PITPNC1: variants seen among roughly 807,000 people sequenced by gnomAD.
The protein encoded by PITPNC1 is phosphatidylinositol transfer protein cytoplasmic 1, also known as cytoplasmic phosphatidylinositol transfer protein 1.
PITPNC1 carries 18 observed loss-of-function variants against 44.7 expected under a neutral mutation model. The observed-to-expected ratio is 0.40, with a 90% CI of 0.28 to 0.60. The LOEUF (loss-of-function observed/expected upper bound fraction) is 0.60. PITPNC1 is among the 20% of genes least tolerant of loss of function. PITPNC1 has a pLI of 0.39. For missense variants in PITPNC1, 290 were observed against 418.4 expected, an observed-to-expected ratio of 0.69 and a Z score of 2.68; for synonymous variants, 141 against 149.6, an observed-to-expected ratio of 0.94 and a Z score of 0.42.
At chr17:67,541,073 G>C (rs2040599590) in intron 2 of PITPNC1, among the ~76,000 whole-genome samples, 1 of 152,170 alleles carries the variant, frequency 6.6e-6, no homozygotes, top group Non-Finnish European at 1.5e-5. Context: ...AAATTCGCCA[G>C]GAGCGGTGTC....
intron 5 of PITPNC1, among the ~76,000 whole-genome samples, chr17:67,626,141 A>G (rs566268845): frequency 6.6e-6 from 1 of 151,844 alleles, no homozygotes; most frequent in African/African-American, 2.4e-5. Flanking sequence ...GCACATCACC[A>G]CGCCCAACTA....
chr17:67,473,881 A>T (rs184374844), intron 1 of PITPNC1, among the ~76,000 whole-genome samples: 1 of 152,086 alleles, frequency 6.6e-6, no homozygotes, highest in African/African-American at 2.4e-5. Context: ...GTGATTTTCT[A>T]TTCTCCCATG....
Position 67,676,354 on chromosome 17 carries a change from G to A in PITPNC1, c.682+812G>A, listed in dbSNP as rs1190817562. ...GCTTTTTTTTCATGATCTGGGAAGA[G>A]TTAAACAATTTCTACACATTTGCAG... On this transcript the variant is annotated intron_variant, in intron 8 of 8. Coordinates refer to ENST00000581322, the MANE Select transcript of PITPNC1 (RefSeq NM_012417.4). The surrounding 1 kb of genome is among the most constrained non-coding windows in gnomAD (Gnocchi z 4.0). Among the ~76,000 whole-genome samples the A allele has an allele frequency of 6.6e-6, 1 of 152,094 alleles. No homozygotes were observed. The highest frequency in any genetic ancestry group is 1.5e-5 in the Non-Finnish European group (1 of 68,032).
chr17:67,471,788 C>T (rs2039539315), intron 1 of PITPNC1, among the ~76,000 whole-genome samples: 1 of 151,962 alleles, frequency 6.6e-6, no homozygotes, highest in Admixed American at 6.6e-5. Context: ...AACATGGGCA[C>T]AGTTGTATTA....
At chr17:67,440,129 CA>C (rs1417852361) in intron 1 of PITPNC1, among the ~76,000 whole-genome samples, 2 of 152,022 alleles carry the variant, frequency 1.3e-5, no homozygotes, top group Non-Finnish European at 2.9e-5. Context: ...CCCTTGGGCT[CA>C]AAATTTAAGA....
intron 8 of PITPNC1, among the ~76,000 whole-genome samples, chr17:67,686,124 C>G (rs761980688): frequency 5.3e-5 from 8 of 151,778 alleles, no homozygotes; most frequent in Non-Finnish European, 1.2e-4. Context: ...AGCCACCATG[C>G]CTGGCCTGAA....
intron 5 of PITPNC1, among the ~76,000 whole-genome samples, chr17:67,582,372 A>G (rs1030520105): frequency 6.6e-6 from 1 of 152,192 alleles, no homozygotes; most frequent in African/African-American, 2.4e-5. Flanking sequence ...GTACACTCTT[A>G]TCATTCAGCT....
intron 5 of PITPNC1, among the ~76,000 whole-genome samples, chr17:67,583,667 T>C (rs999715812): frequency 6.6e-6 from 1 of 151,124 alleles, no homozygotes; most frequent in East Asian, 2.0e-4. Context: ...TCTGATTTCA[T>C]TGGTCTGAGG....
chr17:67,632,916 G>A (rs555382048), intron 6 of PITPNC1, among the ~76,000 whole-genome samples: 1 of 152,140 alleles, frequency 6.6e-6, no homozygotes, highest in Non-Finnish European at 1.5e-5. Flanking sequence ...TTCCAGCACA[G>A]CTCCTTTCTC....
At chr17:67,578,925 T>G (rs1237444583) in intron 5 of PITPNC1, among the ~76,000 whole-genome samples, 1 of 152,162 alleles carries the variant, frequency 6.6e-6, no homozygotes, top group Non-Finnish European at 1.5e-5. Context: ...GAGGTTACAG[T>G]GAGCCGAGGT....
chr17:67,505,228 T>C (rs2040085126), intron 1 of PITPNC1, among the ~76,000 whole-genome samples: 1 of 152,302 alleles, frequency 6.6e-6, no homozygotes, highest in Admixed American at 6.5e-5. Context: ...TTTTTAGGTC[T>C]AATTGGCTTA....
At chr17:67,413,880 AT>A in intron 1 of PITPNC1, among the ~76,000 whole-genome samples, 1 of 152,182 alleles carries the variant, frequency 6.6e-6, no homozygotes, top group East Asian at 1.9e-4. Context: ...CTTTAAATGA[AT>A]TGGGAATCCC....
At chr17:67,575,871 TTTCTTTCC>T in intron 4 of PITPNC1, among the ~76,000 whole-genome samples, 1 of 44,160 alleles carries the variant, frequency 2.3e-5, no homozygotes, top group Non-Finnish European at 4.2e-5. Flanking sequence ...TCCTTCTTTC[TTTCTTTCC>T]TTTTTTTTTT....
chr17:67,394,391 C>A (rs1191283226), intron 1 of PITPNC1, among the ~76,000 whole-genome samples: 1 of 152,134 alleles, frequency 6.6e-6, no homozygotes, highest in African/African-American at 2.4e-5. Context: ...AAATAAACAC[C>A]TTTTCTCCCT....
chr17:67,588,172 G>C lies in PITPNC1; in HGVS notation c.366+9915G>C, dbSNP rs1385830128. ...GTGCGCGCCACCACACCCAGCTAAT[G>C]TTTATATTTTTAGTAGAGACGGGAT... On this transcript the variant is annotated intron_variant, in intron 5 of 8. Coordinates refer to ENST00000581322, the MANE Select transcript of PITPNC1 (RefSeq NM_012417.4). Among the ~76,000 whole-genome samples the C allele has an allele frequency of 2.0e-5, 3 of 151,898 alleles. No individual in the cohort carries two copies. In the East Asian group the frequency reaches 5.8e-4, roughly 29 times the overall value.
chr17:67,417,666 C>T (rs560026526), intron 1 of PITPNC1, among the ~76,000 whole-genome samples: 65 of 152,156 alleles, frequency 4.3e-4, no homozygotes, highest in Non-Finnish European at 8.5e-4. Flanking sequence ...AGTTATTTCT[C>T]AATCAGCTGC....
intron 1 of PITPNC1, among the ~76,000 whole-genome samples, chr17:67,407,952 G>A (rs1444618186): frequency 6.6e-6 from 1 of 151,352 alleles, no homozygotes; most frequent in East Asian, 2.0e-4. Flanking sequence ...AGGATCATAA[G>A]TTTTATTTTA....
chr17:67,692,379 T>C (rs1030307750), intron 8 of PITPNC1, among the ~76,000 whole-genome samples, 193 bp from the exon 9 acceptor site: 1 of 152,158 alleles, frequency 6.6e-6, no homozygotes, highest in Non-Finnish European at 1.5e-5. Context: ...TAAAGGGATA[T>C]TGTTTTCAGG....
At chr17:67,529,777 T>C (rs2040436391) in intron 1 of PITPNC1, among the ~76,000 whole-genome samples, 1 of 152,102 alleles carries the variant, frequency 6.6e-6, no homozygotes, top group Non-Finnish European at 1.5e-5. Flanking sequence ...TGAAACCCCG[T>C]CTCTACTAAA....
Sources: gnomAD v4.1 joint callset for allele counts (sites outside exome capture counted in the v4.1 genomes callset) on GRCh38, gnomAD v4.1.1 for gene constraint, Gnocchi (gnomAD v3.1) non-coding constraint, MANE v1.5 for transcripts, NCBI Gene and HGNC (gene_info 2026-07-23, HGNC 2026-07-21) for gene names.